The following MAGI1 variants were observed in gnomAD, a reference collection of about 807,000 sequenced individuals.
The protein encoded by MAGI1 is membrane-associated guanylate kinase, WW and PDZ domain-containing protein 1.
A neutral mutation model predicts 139.9 loss-of-function variants in MAGI1; 58 were observed. The observed-to-expected ratio is 0.41, with a 90% CI of 0.34 to 0.52. The LOEUF is 0.52. Among genes scored for constraint, MAGI1 ranks in the 20% least tolerant of loss-of-function variants. The probability of loss-of-function intolerance (pLI) is 0.12; values close to 1 mark genes in which losing one functional copy is unlikely to be tolerated. For missense variants in MAGI1, 1,874 were observed against 1,901.6 expected, an observed-to-expected ratio of 0.99 and a Z score of 0.27; for synonymous variants, 812 against 737.9, an observed-to-expected ratio of 1.10 and a Z score of -1.63.
At chr3:65,705,730 A>T (rs766430873) in intron 1 of MAGI1, among the ~76,000 whole-genome samples, 1 of 152,248 alleles carries the variant, frequency 6.6e-6, no homozygotes, top group Non-Finnish European at 1.5e-5. Context: ...AGTTTGGAAA[A>T]GGAATTTCAA....
chr3:65,741,681 T>C (rs1223432658), intron 1 of MAGI1, among the ~76,000 whole-genome samples: 1 of 152,204 alleles, frequency 6.6e-6, no homozygotes, highest in African/African-American at 2.4e-5. Flanking sequence ...AAACCATGCT[T>C]CTGTACTGGG....
chr3:65,694,255 T>C (rs2088944379), intron 1 of MAGI1, among the ~76,000 whole-genome samples: 1 of 152,184 alleles, frequency 6.6e-6, no homozygotes, highest in East Asian at 1.9e-4. Context: ...TGGTTATTAT[T>C]TTCATATAAA....
rs546858274 is a variant in MAGI1 at position 65,814,564 on chromosome 3, G to C, written c.314-192476C>G. Among the ~76,000 whole-genome samples the C allele has an allele frequency of 2.0e-5, 3 of 152,186 alleles. No homozygotes were observed. In the East Asian group the frequency reaches 5.8e-4, roughly 29 times the overall value. The stretch of plus-strand genomic sequence containing the variant: ...TCCAGTCTTTGAACTACATAATTTG[G>C]ATTTTTTGTTCTGTTTTGTTTTGTT... On this transcript the variant is annotated intron_variant, in intron 1 of 22. Coordinates refer to ENST00000402939, the MANE Select transcript of MAGI1 (RefSeq NM_001033057.2).
At chr3:65,613,468 C>T (rs1367917558) in intron 2 of MAGI1, among the ~76,000 whole-genome samples, 1 of 152,164 alleles carries the variant, frequency 6.6e-6, no homozygotes, top group East Asian at 1.9e-4. Context: ...TCCCTGAGAA[C>T]CTTACAATAA....
At chr3:65,689,531 G>T (rs1462585156) in intron 1 of MAGI1, among the ~76,000 whole-genome samples, 2 of 152,096 alleles carry the variant, frequency 1.3e-5, no homozygotes, top group Non-Finnish European at 2.9e-5. Flanking sequence ...ATATCCTTCG[G>T]AATTAACTAC....
intron 3 of MAGI1, among the ~76,000 whole-genome samples, chr3:65,488,466 A>G (rs1200260016): frequency 6.6e-6 from 1 of 150,532 alleles, no homozygotes; most frequent in Non-Finnish European, 1.5e-5. Context: ...CCTCCCAAGT[A>G]GCTGGGACTA....
Position 65,698,750 on chromosome 3 carries a change from T to G in MAGI1, c.314-76662A>C, listed in dbSNP as rs1466854646. 4.3e-3 allele frequency among the ~76,000 whole-genome samples: 641 copies of G among 148,644 alleles called. 7 individuals carry two copies. The highest frequency in any genetic ancestry group is 0.041 in the East Asian group (206 of 5,002). On this transcript the variant is annotated intron_variant, in intron 1 of 22. Coordinates refer to ENST00000402939, the MANE Select transcript of MAGI1 (RefSeq NM_001033057.2). ...TCAAGATGGATTAAAGACTTAAACG[T>G]TAGACCTAAAACCATAAAAACCCTA...
At chr3:65,442,030 CT>C (rs1035333881) in intron 8 of MAGI1, among the ~76,000 whole-genome samples, 2 of 149,166 alleles carry the variant, frequency 1.3e-5, no homozygotes, top group African/African-American at 4.9e-5. Flanking sequence ...TTTGAAGGGA[CT>C]TTTATTAGTT....
At chr3:65,394,184 A>G (rs993885255) in intron 13 of MAGI1, among the ~76,000 whole-genome samples, 1 of 152,218 alleles carries the variant, frequency 6.6e-6, no homozygotes, top group Non-Finnish European at 1.5e-5. Context: ...GTTCCACCAG[A>G]AATAGAGAGT....
At chr3:65,358,368 G>A (rs1408486524) in intron 22 of MAGI1, among the ~76,000 whole-genome samples, 1 of 152,144 alleles carries the variant, frequency 6.6e-6, no homozygotes, top group Non-Finnish European at 1.5e-5. Flanking sequence ...GGTCACTGGG[G>A]CTCTTTAAGG....
chr3:65,950,436 C>G (rs2063781565), intron 1 of MAGI1, among the ~76,000 whole-genome samples: 1 of 152,058 alleles, frequency 6.6e-6, no homozygotes. Context: ...GGCTTGTACC[C>G]CGCCCTCGCT....
At chr3:65,698,309 CT>C (rs1417139008) in intron 1 of MAGI1, among the ~76,000 whole-genome samples, 1 of 141,666 alleles carries the variant, frequency 7.1e-6, no homozygotes, top group East Asian at 2.1e-4. Context: ...CCCAAGGTAA[CT>C]TACAGATTCA....
At chr3:65,777,655 A>G (rs534472893) in intron 1 of MAGI1, among the ~76,000 whole-genome samples, 16 of 145,366 alleles carry the variant, frequency 1.1e-4, no homozygotes, top group African/African-American at 4.1e-4. Context: ...AAAAAAAAAA[A>G]AAAGAAAGAA....
rs1468547980 is a variant in MAGI1 at position 65,442,851 on chromosome 3, T to C, written c.1079-2A>G. On this transcript the variant is annotated splice_acceptor_variant, in intron 7 of 22. Transcript: ENST00000402939. LOFTEE classifies it high-confidence loss of function. ...TCTTTTCCCAACCAGCAGGCAGTTC[T>C]GAAAAATAAAAGAACATTTAGGGCA... The C allele has an allele frequency of 6.2e-7, 1 of 1,612,382 alleles. No homozygotes were observed. The highest frequency in any genetic ancestry group is 8.5e-7 in the Non-Finnish European group (1 of 1,178,894).
At chr3:65,845,251 C>CAA (rs34871480) in intron 1 of MAGI1, among the ~76,000 whole-genome samples, 2 of 140,968 alleles carry the variant, frequency 1.4e-5, no homozygotes, top group African/African-American at 5.4e-5. Context: ...GACTCCATCT[C>CAA]AAAAAAAAAA....
intron 1 of MAGI1, among the ~76,000 whole-genome samples, chr3:65,903,998 AC>A (rs1364724597): frequency 6.6e-6 from 1 of 151,060 alleles, no homozygotes; most frequent in South Asian, 2.1e-4. Flanking sequence ...ACAGAGCAAG[AC>A]TCTTTCTCAA....
Position 65,844,378 on chromosome 3 carries a change from A to G in MAGI1, c.313+193618T>C, listed in dbSNP as rs553035264. On this transcript the variant is annotated intron_variant, in intron 1 of 22. Coordinates refer to ENST00000402939, the MANE Select transcript of MAGI1 (RefSeq NM_001033057.2). The stretch of plus-strand genomic sequence containing the variant: ...ACAAATTGTTCCTAAAGCAGAACAG[A>G]AAGTTACTCAGAAGAAAAGGATATC... 2.9e-5 allele frequency: 10 copies of G among 340,332 alleles called. No individual in the cohort carries two copies. The East Asian group carries it at 5.8e-4, about 20-fold the overall frequency. 21.1% of individuals were successfully genotyped at this position (340,332 alleles called of 1,614,324 possible).
intron 1 of MAGI1, among the ~76,000 whole-genome samples, chr3:65,825,319 C>T (rs943797443): frequency 6.6e-6 from 1 of 152,128 alleles, no homozygotes; most frequent in Admixed American, 6.6e-5. Flanking sequence ...AAGAACTATC[C>T]TTAAAATCAA....
chr3:65,418,009 G>T (rs974032819), intron 12 of MAGI1, among the ~76,000 whole-genome samples: 1 of 152,168 alleles, frequency 6.6e-6, no homozygotes, highest in Non-Finnish European at 1.5e-5. Flanking sequence ...GTCACCGTTG[G>T]AGAAAGGGGG....
Sources: gnomAD v4.1 joint callset for allele counts (sites outside exome capture counted in the v4.1 genomes callset) on GRCh38, gnomAD v4.1.1 for gene constraint, MANE v1.5 for transcripts, NCBI Gene and HGNC (gene_info 2026-07-23, HGNC 2026-07-21) for gene names.